The following GABRB1 variants were observed in gnomAD, a reference collection of about 807,000 sequenced individuals.
GABRB1 encodes gamma-aminobutyric acid type A receptor subunit beta1.
In GABRB1, 17 loss-of-function variants were observed where a neutral mutation model predicts 51.6. That is an observed-to-expected ratio of 0.33 (90% CI 0.23 to 0.49). The LOEUF is 0.49. GABRB1 is among the 20% of genes least tolerant of loss of function. The pLI, the probability that GABRB1 is intolerant of heterozygous loss-of-function variation, is 0.99. For synonymous variants in GABRB1, 247 were observed against 218.9 expected (o/e 1.13, Z -1.14); for missense variants, 410 against 600.6 (o/e 0.68, Z 3.32).
intron 4 of GABRB1, among the ~76,000 whole-genome samples, chr4:47,205,463 A>G (rs572077027): frequency 6.6e-6 from 1 of 152,238 alleles, no homozygotes; most frequent in African/African-American, 2.4e-5. Flanking sequence ...TGTCCTTCAA[A>G]TTAATTTTGT....
intron 3 of GABRB1, among the ~76,000 whole-genome samples, chr4:47,145,663 G>A (rs540123864): frequency 1.3e-5 from 2 of 152,116 alleles, no homozygotes; most frequent in South Asian, 2.1e-4. Context: ...AGGTAATCTT[G>A]CAAAATCAGG....
At chr4:47,302,388 A>G (rs917720732) in intron 4 of GABRB1, among the ~76,000 whole-genome samples, 1 of 151,976 alleles carries the variant, frequency 6.6e-6, no homozygotes, top group African/African-American at 2.4e-5. Flanking sequence ...AAAACCTTCT[A>G]TTTTCATAAG....
At chr4:47,211,548 A>G (rs1442130702) in intron 4 of GABRB1, among the ~76,000 whole-genome samples, 1 of 152,212 alleles carries the variant, frequency 6.6e-6, no homozygotes, top group African/African-American at 2.4e-5. Flanking sequence ...AGAATGACTG[A>G]AAGGGGATGG....
intron 1 of GABRB1, among the ~76,000 whole-genome samples, chr4:47,007,895 A>ATATATATATATAG (rs375965914): frequency 5.7e-5 from 1 of 17,524 alleles, no homozygotes; most frequent in Non-Finnish European, 1.7e-4. Flanking sequence ...TATATATATA[A>ATATATATATATAG]AATCAAGTTT....
At chr4:47,360,358 G>T (rs1437295420) in intron 5 of GABRB1, among the ~76,000 whole-genome samples, 1 of 148,958 alleles carries the variant, frequency 6.7e-6, no homozygotes, top group Admixed American at 6.7e-5. Flanking sequence ...GCAACTCAGA[G>T]TTTTTTTTTT....
In GABRB1 at chr4:47,196,540, G is replaced by T. The variant is rs533850853; in HGVS notation, c.461+35071G>T. On this transcript the variant is annotated intron_variant, in intron 4 of 8. Transcript: ENST00000295454. ...TGGCCAAGAAAAGAAGAGTGGAAAA[G>T]ATTTTTCCCTCCCTGAACAAGCATA... Among the ~76,000 whole-genome samples, 8 of 152,258 alleles carry T rather than the reference G, an allele frequency of 5.3e-5. No individual in the cohort carries two copies. The South Asian group carries it at 1.7e-3, about 32-fold the overall frequency.
chr4:47,019,887 A>AT (rs1553909554), intron 1 of GABRB1, among the ~76,000 whole-genome samples: 95 of 78,226 alleles, frequency 1.2e-3, no homozygotes, highest in Admixed American at 3.4e-3. Flanking sequence ...ATATATATAT[A>AT]ATATATGTAT....
intron 4 of GABRB1, among the ~76,000 whole-genome samples, chr4:47,268,028 A>C (rs1722708326): frequency 6.6e-6 from 1 of 152,162 alleles, no homozygotes; most frequent in African/African-American, 2.4e-5. Flanking sequence ...AAGAGGAGGG[A>C]AAAGAATGGC....
chr4:47,220,769 GTTTCAGTGCCCCCCC>G (rs1720736581), intron 4 of GABRB1, among the ~76,000 whole-genome samples: 1 of 151,826 alleles, frequency 6.6e-6, no homozygotes, highest in Non-Finnish European at 1.5e-5. Context: ...CTCCTTTTGG[GTTTCAGTGCCCCCCC>G]TTTCATCTAT....
At chr4:47,096,025 T>C (rs1178592777) in intron 3 of GABRB1, among the ~76,000 whole-genome samples, 3 of 152,198 alleles carry the variant, frequency 2.0e-5, no homozygotes, top group Non-Finnish European at 4.4e-5. Context: ...TTAAGGACTT[T>C]TGTCATGGAG....
intron 5 of GABRB1, among the ~76,000 whole-genome samples, chr4:47,363,044 TTG>T (rs1206093096): frequency 7.1e-6 from 1 of 140,572 alleles, no homozygotes; most frequent in Non-Finnish European, 1.6e-5. Flanking sequence ...GTGTGTGTGT[TTG>T]TGTGTGTGTC....
chr4:47,346,120 A>G (rs1173506487), intron 5 of GABRB1, among the ~76,000 whole-genome samples: 1 of 152,090 alleles, frequency 6.6e-6, no homozygotes, highest in African/African-American at 2.4e-5. Flanking sequence ...GTTTGTTTAT[A>G]GCACAGAAAG....
At chr4:47,092,022 C>A (rs915128205) in intron 3 of GABRB1, among the ~76,000 whole-genome samples, 1 of 152,134 alleles carries the variant, frequency 6.6e-6, no homozygotes. Flanking sequence ...GTATCTCCCC[C>A]TAATCTTTCA....
intron 3 of GABRB1, among the ~76,000 whole-genome samples, chr4:47,150,379 C>G (rs13143723): frequency 0.026 from 2,241 of 87,628 alleles, 40 homozygotes; most frequent in African/African-American, 0.065. Context: ...TACACACACA[C>G]AGAGAGAGAG....
At position 47,010,570 on chromosome 4, in the gene GABRB1, A is replaced by T. The variant is rs548403810; in HGVS notation, c.-20+16644A>T. On this transcript the variant is annotated intron_variant, in intron 1 of 3. Coordinates refer to the GABRB1 transcript ENST00000513567. ...TTACTTTATTTTGTCAATGCAAATA[A>T]ATATGATCAACTCAAATGTTGCCAC... Among the ~76,000 whole-genome samples the T allele has an allele frequency of 4.5e-4, 68 of 152,362 alleles. 1 individual carries two copies. The highest frequency in any genetic ancestry group is 8.1e-4 in the Non-Finnish European group (55 of 68,034).
intron 8 of GABRB1, among the ~76,000 whole-genome samples, chr4:47,412,265 A>G (rs576094784): frequency 6.6e-6 from 1 of 152,378 alleles, no homozygotes; most frequent in South Asian, 2.1e-4. Flanking sequence ...GCTAAAATGT[A>G]GATAACAAAT....
chr4:47,260,436 T>A (rs1279655556), intron 4 of GABRB1, among the ~76,000 whole-genome samples: 2 of 152,306 alleles, frequency 1.3e-5, no homozygotes, highest in East Asian at 1.9e-4. Flanking sequence ...GGTCTTTACA[T>A]TTTGGCATGA....
chr4:47,346,545 T>C (rs1322742217), intron 5 of GABRB1, among the ~76,000 whole-genome samples: 4 of 152,188 alleles, frequency 2.6e-5, no homozygotes, highest in Non-Finnish European at 4.4e-5. Flanking sequence ...GAGAAATTCA[T>C]TGATGAATGT....
At chr4:47,238,092 G>T (rs997287111) in intron 4 of GABRB1, among the ~76,000 whole-genome samples, 10 of 151,918 alleles carry the variant, frequency 6.6e-5, no homozygotes, top group Non-Finnish European at 1.3e-4. Context: ...ATGCAGAAGA[G>T]AAGGAAATCA....
Sources: allele counts gnomAD v4.1 joint callset (sites outside exome capture counted in the v4.1 genomes callset), GRCh38; gene constraint gnomAD v4.1.1; transcripts MANE v1.5; gene names NCBI Gene and HGNC (gene_info 2026-07-23, HGNC 2026-07-21).